Variants in GRM7 observed in about 807,000 individuals in gnomAD.
GRM7 encodes the protein metabotropic glutamate receptor 7.
GRM7 carries 35 observed loss-of-function variants against 84.5 expected under a neutral mutation model. The ratio of observed to expected loss-of-function variants is 0.41; its 90% CI spans 0.32 to 0.55. The LOEUF is 0.55. Ranked by LOEUF, GRM7 falls within the 20% of genes least tolerant of loss-of-function variation. GRM7 has a pLI of 0.19. For missense variants in GRM7, 1,003 were observed against 1,194.6 expected (o/e 0.84, Z 2.36); for synonymous variants, 487 against 455.1 (o/e 1.07, Z -0.89).
chr3:7,645,962 G>A (rs1217326592), intron 8 of GRM7, among the ~76,000 whole-genome samples: 3 of 152,120 alleles, frequency 2.0e-5, no homozygotes, highest in Non-Finnish European at 2.9e-5. Flanking sequence ...TTAATCAGAA[G>A]GACTTTTTGC....
At chr3:6,895,376 C>T (rs1000837586) in intron 1 of GRM7, among the ~76,000 whole-genome samples, 10 of 152,132 alleles carry the variant, frequency 6.6e-5, no homozygotes, top group South Asian at 2.1e-4. Flanking sequence ...ACAAACAATA[C>T]GTTTTCAATA....
intron 1 of GRM7, among the ~76,000 whole-genome samples, chr3:6,901,161 CAG>C (rs1696367079): frequency 6.6e-6 from 1 of 152,102 alleles, no homozygotes; most frequent in South Asian, 2.1e-4. Context: ...GAGTTAATGA[CAG>C]ATGCCAAAAT....
intron 7 of GRM7, among the ~76,000 whole-genome samples, chr3:7,543,698 C>T (rs1050950123): frequency 2.0e-5 from 3 of 152,146 alleles, no homozygotes; most frequent in Non-Finnish European, 2.9e-5. Flanking sequence ...AAGATTTTGT[C>T]AGAATTTAAT....
intron 2 of GRM7, among the ~76,000 whole-genome samples, chr3:7,195,661 A>G (rs1695854011): frequency 6.6e-6 from 1 of 152,136 alleles, no homozygotes; most frequent in Non-Finnish European, 1.5e-5. Context: ...TTGAAAATGA[A>G]TAAATAATGG....
At chr3:6,880,906 A>G (rs1286550902) in intron 1 of GRM7, among the ~76,000 whole-genome samples, 1 of 152,128 alleles carries the variant, frequency 6.6e-6, no homozygotes, top group Non-Finnish European at 1.5e-5. Flanking sequence ...AATTTATTAA[A>G]AGTTTATTAT....
chr3:7,583,996 A>G (rs1226763103), intron 8 of GRM7, among the ~76,000 whole-genome samples: 1 of 152,210 alleles, frequency 6.6e-6, no homozygotes, highest in Non-Finnish European at 1.5e-5. Flanking sequence ...TGTCGCACAA[A>G]GAATGAAGGA....
intron 4 of GRM7, among the ~76,000 whole-genome samples, chr3:7,323,605 C>G (rs1436172336): frequency 2.6e-5 from 4 of 152,162 alleles, no homozygotes; most frequent in Non-Finnish European, 5.9e-5. Context: ...TGTTGTTCCT[C>G]TCATGTGAAA....
intron 4 of GRM7, among the ~76,000 whole-genome samples, chr3:7,346,227 C>T (rs530730636): frequency 6.6e-6 from 1 of 152,180 alleles, no homozygotes; most frequent in South Asian, 2.1e-4. Flanking sequence ...AAGTATTGAT[C>T]TCAGATTTTA....
At chr3:7,606,489 T>C (rs1284425016) in intron 8 of GRM7, among the ~76,000 whole-genome samples, 1 of 152,150 alleles carries the variant, frequency 6.6e-6, no homozygotes. Flanking sequence ...CATACAATTG[T>C]GGAACACCTT....
At chr3:7,058,096 T>C (rs1697294484) in intron 1 of GRM7, among the ~76,000 whole-genome samples, 1 of 151,934 alleles carries the variant, frequency 6.6e-6, no homozygotes, top group Non-Finnish European at 1.5e-5. Flanking sequence ...CTTTTATAAA[T>C]TCAGATGCCT....
chr3:7,258,370 CA>C (rs2124952616), intron 2 of GRM7, among the ~76,000 whole-genome samples: 1 of 152,110 alleles, frequency 6.6e-6, no homozygotes, highest in Non-Finnish European at 1.5e-5. Flanking sequence ...TTTATGCCAA[CA>C]TTTGAAAACC....
intron 2 of GRM7, among the ~76,000 whole-genome samples, chr3:7,275,025 T>C (rs553067268): frequency 6.8e-4 from 104 of 152,290 alleles, no homozygotes; most frequent in African/African-American, 2.3e-3. Context: ...TGGAAGTCTC[T>C]ATTGAGATAT....
intron 9 of GRM7, among the ~76,000 whole-genome samples, chr3:7,736,822 T>A: frequency 6.6e-6 from 1 of 152,192 alleles, no homozygotes; most frequent in Non-Finnish European, 1.5e-5. Context: ...TTAAATCACT[T>A]CATGTATGTT....
intron 2 of GRM7, among the ~76,000 whole-genome samples, chr3:7,237,948 A>G (rs1697407576): frequency 6.6e-6 from 1 of 152,116 alleles, no homozygotes; most frequent in African/African-American, 2.4e-5. Context: ...ACAGACCTTT[A>G]GCTAGACACA....
At chr3:7,296,087 AATATATATATATAGAGAGAGAGAATTTT>A (rs1699804408) in intron 2 of GRM7, among the ~76,000 whole-genome samples, 1 of 151,030 alleles carries the variant, frequency 6.6e-6, no homozygotes. Flanking sequence ...TGTTATCATA[AATATATATATATAGAGAGAGAGAATTTT>A]GTTAAGTACT....
chr3:7,381,280 G>A (rs1575250230), intron 4 of GRM7, among the ~76,000 whole-genome samples: 1 of 151,916 alleles, frequency 6.6e-6, no homozygotes, highest in Non-Finnish European at 1.5e-5. Context: ...AAAAATCCAG[G>A]CTTTTCTACT....
intron 1 of GRM7, among the ~76,000 whole-genome samples, chr3:7,117,256 T>G (rs1693067237): frequency 6.6e-6 from 1 of 152,080 alleles, no homozygotes; most frequent in Non-Finnish European, 1.5e-5. Flanking sequence ...AGTCAGATGT[T>G]GAAGAAAAAA....
intron 9 of GRM7, 62 bp from the exon 10 acceptor site, chr3:7,740,295 C>A: frequency 9.3e-7 from 1 of 1,076,946 alleles, no homozygotes; most frequent in East Asian, 2.5e-5. Flanking sequence ...AGTTCTAATT[C>A]TATTTCTACC....
chr3:6,937,422 T>C (rs895404355), intron 1 of GRM7, among the ~76,000 whole-genome samples: 2 of 152,144 alleles, frequency 1.3e-5, no homozygotes, highest in East Asian at 3.9e-4. Flanking sequence ...AAGATCCCCA[T>C]AGCTTCATCT....
Sources: allele counts gnomAD v4.1 joint callset (sites outside exome capture counted in the v4.1 genomes callset), GRCh38; gene constraint gnomAD v4.1.1; transcripts MANE v1.5; gene names NCBI Gene and HGNC (gene_info 2026-07-23, HGNC 2026-07-21).